Variants in LIG1 observed in about 807,000 individuals in gnomAD.
LIG1 encodes ligase I, DNA, ATP-dependent.
A neutral mutation model predicts 115.7 loss-of-function variants in LIG1; 70 were observed. That is an observed-to-expected ratio of 0.60 (90% CI 0.50 to 0.74). LIG1 has a LOEUF of 0.74. LIG1 is among the 30% of genes least tolerant of loss of function. LIG1 has a pLI of 0.00. For synonymous variants in LIG1, 487 were observed against 495.3 expected (o/e 0.98, Z 0.22); for missense variants, 1,115 against 1,225.6 (o/e 0.91, Z 1.35).
rs539793154 is a variant in LIG1 at position 48,123,101 on chromosome 19, G to A, written c.2149+73C>T. 2.2e-4 allele frequency: 347 copies of A among 1,611,716 alleles called. No individual in the cohort carries two copies. The African/African-American group carries it at 4.0e-3, about 19-fold the overall frequency. On this transcript the variant is annotated intron_variant, in intron 22 of 27. Transcript: ENST00000263274. Reference sequence around the variant, plus strand: ...GCAGGATTCTGGTCAAACGGTCCAGGACTGGGGACAGGCTGGGAGGCCGGG... The same window carrying A: ...GCAGGATTCTGGTCAAACGGTCCAGAACTGGGGACAGGCTGGGAGGCCGGG...
intron 6 of LIG1, among the ~76,000 whole-genome samples, chr19:48,152,186 A>C (rs1339092644): frequency 2.0e-5 from 3 of 152,082 alleles, no homozygotes; most frequent in African/African-American, 7.2e-5. Context: ...GCAGTGGCAC[A>C]ATCTCGGCTC....
Position 48,157,058 on chromosome 19 carries a change from G to C in LIG1, c.326C>G (p.Ser109Cys), listed in dbSNP as rs142891099. The change falls in exon 5 of 28, where the codon TCT becomes TGT. Residue 109 changes from serine to cysteine, a missense_variant. Transcript: ENST00000263274. ...CCCTGATGGGGAACTGTCCATGGGA[G>C]AGGTGTCAGAGAGGGAAGCATTGTT... Reference protein sequence around the residue: ...PENNASLSDTSPMDSSPSGIP... With the variant: ...PENNASLSDTCPMDSSPSGIP... The C allele has an allele frequency of 1.2e-6, 2 of 1,612,492 alleles. No homozygotes were observed. The highest frequency in any genetic ancestry group is 2.7e-5 in the African/African-American group (2 of 74,788).
At chr19:48,129,168 T>G (rs1001025934) in intron 19 of LIG1, among the ~76,000 whole-genome samples, 1 of 152,140 alleles carries the variant, frequency 6.6e-6, no homozygotes, top group Non-Finnish European at 1.5e-5. Context: ...TTCTCCTGCC[T>G]CAGCCTCCCA....
At chr19:48,169,257 T>C (rs1045041044) in intron 1 of LIG1, among the ~76,000 whole-genome samples, 1 of 152,114 alleles carries the variant, frequency 6.6e-6, no homozygotes, top group Non-Finnish European at 1.5e-5. Flanking sequence ...CGATGGGGGT[T>C]ACACAAATCT....
At chr19:48,167,893 A>G (rs981671669) in intron 1 of LIG1, among the ~76,000 whole-genome samples, 5 of 151,944 alleles carry the variant, frequency 3.3e-5, no homozygotes, top group Non-Finnish European at 7.4e-5. Flanking sequence ...AGAGTTTCTC[A>G]GGGCCAGTTG....
At chr19:48,140,686 C>CA (rs1469191287) in intron 11 of LIG1, among the ~76,000 whole-genome samples, 1 of 152,158 alleles carries the variant, frequency 6.6e-6, no homozygotes, top group Non-Finnish European at 1.5e-5. Flanking sequence ...GCAGACCCTG[C>CA]ACTCAGTCTG....
rs757208266 is a variant in LIG1 at position 48,134,066 on chromosome 19, G to A, written c.1524C>T (p.Cys508=). The A allele has an allele frequency of 9.0e-6, 14 of 1,554,776 alleles. No homozygotes were observed. Among genetic ancestry groups the A allele is most frequent in the South Asian group, 3.6e-5 (3 of 84,318 alleles). Residue 508 remains cysteine (C), a splice_region_variant and synonymous_variant, in exon 17 of 28, where the codon TGC becomes TGT. Transcript: ENST00000263274. ...TAATTCGGTCCAGGTCGGGAACCTC[G>A]CTGGGGTGGCGGGTGAGAACAAGAT... ...EQGMILKQTF[C]EVPDLDRIIP... is the part of the protein sequence containing the mutation.
At chr19:48,164,987 G>A (rs1206376805) in intron 2 of LIG1, among the ~76,000 whole-genome samples, 2 of 152,190 alleles carry the variant, frequency 1.3e-5, no homozygotes, top group Non-Finnish European at 2.9e-5. Context: ...CTGGCCGGGC[G>A]CCGTGGCTCA....
chr19:48,121,378 A>G (rs1003102752), intron 23 of LIG1, 56 bp from the exon 24 acceptor site: 2 of 1,488,114 alleles, frequency 1.3e-6, no homozygotes, highest in African/African-American at 2.8e-5. Context: ...CGGGGCCCTC[A>G]CTGCTGGGGA....
At chr19:48,132,949 G>T (rs1471398371) in intron 18 of LIG1, 33 bp downstream of exon 18, 3 of 1,485,458 alleles carry the variant, frequency 2.0e-6, no homozygotes, top group Non-Finnish European at 2.8e-6. Context: ...ACGTTTTCCT[G>T]TCTGTGGAAG....
chr19:48,123,734 C>T (rs982968495), intron 21 of LIG1: 4 of 288,816 alleles, frequency 1.4e-5, no homozygotes, highest in Admixed American at 9.4e-5. Context: ...TGTCTTGCGT[C>T]GGCCTCCCGA....
intron 21 of LIG1, among the ~76,000 whole-genome samples, chr19:48,125,112 A>C (rs2033577761): frequency 2.0e-5 from 3 of 152,220 alleles, no homozygotes; most frequent in African/African-American, 7.2e-5. Context: ...ACTACTACTA[A>C]TAAAAAAATT....
At chr19:48,159,836 T>G (rs10420285) in intron 4 of LIG1, among the ~76,000 whole-genome samples, 77,765 of 151,936 alleles carry the variant, frequency 0.51, 20,130 homozygotes, top group East Asian at 0.68. Context: ...TCCTGCCTCA[T>G]CCTCCCGAGT....
intron 25 of LIG1, 146 bp from the exon 26 acceptor site, chr19:48,117,927 G>C (rs1167106947): frequency 1.3e-6 from 1 of 782,600 alleles, no homozygotes; most frequent in Non-Finnish European, 2.2e-6. Context: ...TAAGGGAAAA[G>C]AAACAAGACA....
At chr19:48,116,964 C>G (rs952692195) in intron 26 of LIG1, among the ~76,000 whole-genome samples, 11 of 152,132 alleles carry the variant, frequency 7.2e-5, no homozygotes, top group Non-Finnish European at 1.5e-4. Context: ...TGGTGAAACC[C>G]CGTCTCTACA....
chr19:48,126,037 A>T (rs2033645728), intron 21 of LIG1, among the ~76,000 whole-genome samples: 1 of 151,080 alleles, frequency 6.6e-6, no homozygotes. Flanking sequence ...ATTGCAGCTA[A>T]TTTTTTTTGA....
Position 48,161,352 on chromosome 19 carries a change from G to T in LIG1, c.243+20C>A. ...AATTAGTTTCTTCTGGTAAAAATGG[G>T]CAGGGTGATGGGGACCTACCTGGCC... On this transcript the variant is annotated intron_variant, in intron 4 of 27. Transcript: ENST00000263274. 6.2e-7 allele frequency: 1 copy of T among 1,614,098 alleles called. No individual in the cohort carries two copies. Among genetic ancestry groups the T allele is most frequent in the Non-Finnish European group, 8.5e-7 (1 of 1,179,966 alleles).
chr19:48,119,846 C>T (rs2033146569), intron 24 of LIG1, among the ~76,000 whole-genome samples: 1 of 152,158 alleles, frequency 6.6e-6, no homozygotes, highest in South Asian at 2.1e-4. Flanking sequence ...CCCAGCCCAT[C>T]TCCAATGTTA....
At chr19:48,162,166 C>A in intron 3 of LIG1, 96 bp downstream of exon 3, 3 of 1,225,588 alleles carry the variant, frequency 2.4e-6, no homozygotes, top group Non-Finnish European at 3.6e-6. Flanking sequence ...GTTTTTTGGG[C>A]CCCAAGACAT....
Sources: allele counts gnomAD v4.1 joint callset (sites outside exome capture counted in the v4.1 genomes callset), GRCh38; gene constraint gnomAD v4.1.1; transcripts MANE v1.5; gene names NCBI Gene and HGNC (gene_info 2026-07-23, HGNC 2026-07-21).